The following R3HCC1L variants were observed in gnomAD, a reference collection of about 807,000 sequenced individuals.
R3HCC1L encodes R3H domain and coiled-coil containing 1 like.
R3HCC1L carries 51 observed loss-of-function variants against 59.9 expected under a neutral mutation model. That is an observed-to-expected ratio of 0.85 (90% confidence interval 0.68 to 1.07). The LOEUF is 1.07. R3HCC1L is among the 50% of genes least tolerant of loss of function. R3HCC1L has a pLI of 0.00. For missense variants in R3HCC1L, 965 were observed against 933.0 expected (o/e 1.03, Z -0.45); for synonymous variants, 322 against 315.2 (o/e 1.02, Z -0.23).
intron 5 of R3HCC1L, 83 bp from the exon 6 acceptor site, chr10:98,231,429 G>A: frequency 1.6e-6 from 2 of 1,265,828 alleles, no homozygotes; most frequent in Non-Finnish European, 2.2e-6. Context: ...GAGAAAGGGA[G>A]GAGGATTGTT....
In R3HCC1L at chr10:98,244,176, G is replaced by A. The variant is rs867907464; in HGVS notation, c.*18G>A. 5.6e-6 allele frequency: 9 copies of A among 1,607,774 alleles called. No individual in the cohort carries two copies. The highest frequency in any genetic ancestry group is 3.3e-4 in the Middle Eastern group (2 of 6,050). On this transcript the variant is annotated 3_prime_UTR_variant, in exon 10 of 10. Transcript: ENST00000298999. ...CAGTTTGAACATCACTCAATGAAAGGGATAATTCCATGAATCAGAAAATGT... is the reference window on the plus strand; with the variant it reads ...CAGTTTGAACATCACTCAATGAAAGAGATAATTCCATGAATCAGAAAATGT...
chr10:98,199,523 A>G (rs1051246470), intron 4 of R3HCC1L, among the ~76,000 whole-genome samples: 3 of 152,048 alleles, frequency 2.0e-5, no homozygotes, highest in African/African-American at 7.2e-5. Context: ...TTGTATAAAA[A>G]GATGATAATT....
At chr10:98,204,869 A>G (rs1386684061) in intron 4 of R3HCC1L, among the ~76,000 whole-genome samples, 6 of 152,180 alleles carry the variant, frequency 3.9e-5, no homozygotes, top group African/African-American at 7.2e-5. Context: ...GGTACTATCC[A>G]TGGTCCAGGC....
In R3HCC1L at chr10:98,208,403, T is replaced by C. The variant is rs762292516; in HGVS notation, c.289T>C (p.Cys97Arg). Residue 97 changes from cysteine (C) to arginine (R), a missense_variant, in exon 5 of 10, where the codon TGC (cysteine) becomes CGC (arginine). Physicochemically the swap from Cys to Arg is radical, Grantham distance 180. Coordinates refer to ENST00000298999, the MANE Select transcript of R3HCC1L (RefSeq NM_001351015.2). Reference sequence around the variant, plus strand: ...TTCAACAAAATTAAGAATGGACACATGCCTTCAAAAAACAAATAGAGTTTG... The same window carrying C: ...TTCAACAAAATTAAGAATGGACACACGCCTTCAAAAAACAAATAGAGTTTG... ...KSSTKLRMDT[C>R]LQKTNRVCSK... is the part of the protein sequence containing the mutation. 5.6e-6 allele frequency: 9 copies of C among 1,613,860 alleles called. No individual in the cohort carries two copies. In the South Asian group the frequency reaches 9.9e-5, roughly 18 times the overall value.
chr10:98,134,935 C>T (rs986087837), intron 1 of R3HCC1L, among the ~76,000 whole-genome samples: 68 of 152,296 alleles, frequency 4.5e-4, no homozygotes, highest in Non-Finnish European at 9.1e-4. Flanking sequence ...TCCCGGGGCT[C>T]TTTTGCACTC....
intron 5 of R3HCC1L, among the ~76,000 whole-genome samples, chr10:98,223,848 G>T (rs984908715): frequency 2.0e-5 from 3 of 152,178 alleles, no homozygotes; most frequent in African/African-American, 4.8e-5. Flanking sequence ...TAGGCCTCCA[G>T]GCATTTTACT....
chr10:98,201,060 C>G (rs1340188623), intron 4 of R3HCC1L, among the ~76,000 whole-genome samples: 1 of 152,100 alleles, frequency 6.6e-6, no homozygotes, highest in Non-Finnish European at 1.5e-5. Flanking sequence ...TATTGACAAG[C>G]CAAATGAACA....
In R3HCC1L at chr10:98,209,896, A is replaced by C; in HGVS notation, c.1782A>C (p.Gln594His). The C allele has an allele frequency of 6.2e-7, 1 of 1,606,074 alleles. No homozygotes were observed. Among genetic ancestry groups the C allele is most frequent in the Non-Finnish European group, 8.5e-7 (1 of 1,174,594 alleles). Residue 594 changes from glutamine (Q) to histidine (H), a missense_variant, in exon 5 of 10, where the codon CAA becomes CAC. By Grantham distance (24) the Gln-to-His change is conservative. Transcript: ENST00000298999. Reference protein sequence around the residue: ...DGDCLDPRLLQELSGNTKSRE... With the variant: ...DGDCLDPRLLHELSGNTKSRE... ...ACTGCCTGGATCCACGTCTTCTACA[A>C]GAGGTATGTTTAATTGAAATTGCTT...
At chr10:98,181,647 G>T (rs1849633071) in intron 4 of R3HCC1L, among the ~76,000 whole-genome samples, 1 of 152,148 alleles carries the variant, frequency 6.6e-6, no homozygotes, top group Non-Finnish European at 1.5e-5. Context: ...TCACTTTCAG[G>T]TATACCACTC....
Position 98,209,263 on chromosome 10 carries a change from G to A in R3HCC1L, c.1149G>A (p.Met383Ile). 2 of 1,613,226 alleles carry A rather than the reference G, an allele frequency of 1.2e-6. No homozygotes were observed. The highest frequency in any genetic ancestry group is 1.7e-6 in the Non-Finnish European group (2 of 1,179,316). ...NKACMMDTTG[M>I]SCSDHVTVDS... is the part of the protein sequence containing the mutation. ...CATGTATGATGGACACTACAGGTAT[G>A]TCCTGTAGTGATCATGTAACTGTTG... Residue 383 changes from methionine (M) to isoleucine (I), a missense_variant, in exon 5 of 10, where the codon ATG (methionine) becomes ATA (isoleucine). Met to Ile is a conservative substitution (Grantham distance 10, BLOSUM62 1). Transcript: ENST00000298999.
chr10:98,149,762 T>G (rs1260722695), intron 1 of R3HCC1L, among the ~76,000 whole-genome samples: 2 of 152,236 alleles, frequency 1.3e-5, no homozygotes, highest in East Asian at 3.8e-4. Context: ...GAATGTTCCA[T>G]GTCTGGATGA....
intron 1 of R3HCC1L, among the ~76,000 whole-genome samples, chr10:98,149,730 C>A (rs1179547574): frequency 6.6e-6 from 1 of 152,082 alleles, no homozygotes; most frequent in Non-Finnish European, 1.5e-5. Flanking sequence ...TGAATTTGTT[C>A]AAAGATATAG....
At chr10:98,226,584 G>A (rs775905377) in intron 5 of R3HCC1L, among the ~76,000 whole-genome samples, 1 of 152,188 alleles carries the variant, frequency 6.6e-6, no homozygotes, top group Non-Finnish European at 1.5e-5. Context: ...AATGCAAAGT[G>A]CCCTAAATAA....
intron 5 of R3HCC1L, chr10:98,231,052 GT>G: frequency 2.4e-6 from 1 of 421,104 alleles, no homozygotes; most frequent in South Asian, 1.8e-5. Context: ...AAGTAAAAAA[GT>G]TTTTTTGAAT....
At chr10:98,177,874 GGTT>G (rs1327972602) in intron 4 of R3HCC1L, among the ~76,000 whole-genome samples, 1 of 151,906 alleles carries the variant, frequency 6.6e-6, no homozygotes, top group Non-Finnish European at 1.5e-5. Context: ...TTTTTGATGG[GGTT>G]GTTTGATTTT....
intron 2 of R3HCC1L, among the ~76,000 whole-genome samples, chr10:98,162,596 C>T (rs1847536001): frequency 6.6e-6 from 1 of 152,084 alleles, no homozygotes; most frequent in Non-Finnish European, 1.5e-5. Flanking sequence ...GAGTATCCAC[C>T]ATGTTCTGTA....
intron 1 of R3HCC1L, among the ~76,000 whole-genome samples, chr10:98,153,609 T>TAAACAA (rs1846504744): frequency 1.2e-5 from 1 of 81,014 alleles, no homozygotes; most frequent in Non-Finnish European, 2.7e-5. Flanking sequence ...AATGATCAAT[T>TAAACAA]AAAAAAAAAA....
At chr10:98,207,698 C>A (rs942137686) in intron 4 of R3HCC1L, among the ~76,000 whole-genome samples, 28 of 148,346 alleles carry the variant, frequency 1.9e-4, no homozygotes, top group East Asian at 3.9e-4. Flanking sequence ...ACAACAACAA[C>A]AAAAAAATTA....
intron 6 of R3HCC1L, among the ~76,000 whole-genome samples, chr10:98,233,976 C>T (rs1856655168): frequency 6.6e-6 from 1 of 152,020 alleles, no homozygotes; most frequent in Non-Finnish European, 1.5e-5. Flanking sequence ...TCAGTATAAT[C>T]TCCCCTACCC....
Sources: allele counts gnomAD v4.1 joint callset (sites outside exome capture counted in the v4.1 genomes callset), GRCh38; gene constraint gnomAD v4.1.1; transcripts MANE v1.5; gene names NCBI Gene and HGNC (gene_info 2026-07-23, HGNC 2026-07-21).